The following HTR7 variants were observed in gnomAD, a reference collection of about 807,000 sequenced individuals.
HTR7 encodes the protein 5-HT-7.
A neutral mutation model predicts 34.0 loss-of-function variants in HTR7; 16 were observed. That is an observed-to-expected ratio of 0.47 (90% CI 0.32 to 0.71). HTR7 has a LOEUF of 0.71. Among genes scored for constraint, HTR7 ranks in the 30% least tolerant of loss-of-function variants. HTR7 has a pLI of 0.04. For synonymous variants in HTR7, 265 were observed against 260.2 expected (o/e 1.02, Z -0.18); for missense variants, 504 against 625.5 (o/e 0.81, Z 2.07).
chr10:90,796,289 C>A (rs1564684977), intron 1 of HTR7, among the ~76,000 whole-genome samples: 1 of 152,184 alleles, frequency 6.6e-6, no homozygotes, highest in South Asian at 2.1e-4. Context: ...CTGAATTATT[C>A]TATCAAGGAA....
At chr10:90,813,494 C>G (rs1845850919) in intron 1 of HTR7, among the ~76,000 whole-genome samples, 1 of 151,540 alleles carries the variant, frequency 6.6e-6, no homozygotes, top group Non-Finnish European at 1.5e-5. Flanking sequence ...TGCACCCCAG[C>G]CTGGGTCATG....
chr10:90,748,070 C>T (rs1485900478), intron 2 of HTR7, among the ~76,000 whole-genome samples: 2 of 152,172 alleles, frequency 1.3e-5, no homozygotes, highest in African/African-American at 4.8e-5. Context: ...GTCACTAAGA[C>T]TTCTTAGACC....
At chr10:90,788,552 C>T (rs1845416788) in intron 1 of HTR7, among the ~76,000 whole-genome samples, 1 of 152,056 alleles carries the variant, frequency 6.6e-6, no homozygotes, top group Non-Finnish European at 1.5e-5. Context: ...ATTCCTAATC[C>T]CTACAGCTAC....
intron 1 of HTR7, among the ~76,000 whole-genome samples, chr10:90,805,444 C>A (rs867058497): frequency 4.1e-4 from 63 of 152,168 alleles, no homozygotes; most frequent in Middle Eastern, 3.2e-3. Flanking sequence ...GTCTCTGCAC[C>A]TAAACCGCTA....
At chr10:90,798,695 G>T (rs1394708749) in intron 1 of HTR7, among the ~76,000 whole-genome samples, 1 of 152,192 alleles carries the variant, frequency 6.6e-6, no homozygotes, top group Non-Finnish European at 1.5e-5. Flanking sequence ...CTGGGTGACA[G>T]AGTAAGACTG....
chr10:90,828,251 T>C (rs1846111298), intron 1 of HTR7, among the ~76,000 whole-genome samples: 1 of 151,922 alleles, frequency 6.6e-6, no homozygotes, highest in South Asian at 2.1e-4. Flanking sequence ...AGTGCCTACA[T>C]AAAAAAAGTA....
intron 1 of HTR7, among the ~76,000 whole-genome samples, chr10:90,853,446 T>C (rs1429010025): frequency 6.6e-6 from 1 of 151,244 alleles, no homozygotes; most frequent in African/African-American, 2.4e-5. Context: ...CCACCATGCC[T>C]GGCTTTTTTG....
rs187249434 is a variant in HTR7, at chr10:90,785,868, T to C, written c.540-36274A>G. Among the ~76,000 whole-genome samples the C allele has an allele frequency of 2.0e-3, 305 of 152,360 alleles. 2 individuals carry two copies. The highest frequency in any genetic ancestry group is 6.9e-3 in the African/African-American group (289 of 41,594). The stretch of plus-strand genomic sequence containing the variant: ...CAGCAATCCACAAAGTCTTGTGGCC[T>C]TGACGCCCCTTCTTGGGAGAGCTGG... On this transcript the variant is annotated intron_variant, in intron 1 of 3. Transcript: ENST00000336152.
At chr10:90,793,679 T>C (rs1009257662) in intron 1 of HTR7, among the ~76,000 whole-genome samples, 3 of 152,002 alleles carry the variant, frequency 2.0e-5, no homozygotes, top group Non-Finnish European at 2.9e-5. Flanking sequence ...TTAAGGAGTA[T>C]TGACACACAC....
chr10:90,795,755 G>C (rs1284865800), intron 1 of HTR7, among the ~76,000 whole-genome samples: 1 of 152,136 alleles, frequency 6.6e-6, no homozygotes, highest in Admixed American at 6.6e-5. Flanking sequence ...TATACATTAA[G>C]GAAGACATAA....
At chr10:90,750,973 C>G (rs535748671) in intron 1 of HTR7, among the ~76,000 whole-genome samples, 1 of 152,126 alleles carries the variant, frequency 6.6e-6, no homozygotes, top group African/African-American at 2.4e-5. Context: ...GAAAATCCTG[C>G]GTGCAGGCAA....
chr10:90,806,613 A>G (rs2185708), intron 1 of HTR7, among the ~76,000 whole-genome samples: 41,582 of 151,434 alleles, frequency 0.27, 6,185 homozygotes, highest in African/African-American at 0.4. Context: ...AAAACAAAAT[A>G]AAAAAATTTA....
At chr10:90,786,172 T>A (rs1201138956) in intron 1 of HTR7, among the ~76,000 whole-genome samples, 2 of 152,204 alleles carry the variant, frequency 1.3e-5, no homozygotes, top group Admixed American at 1.3e-4. Context: ...ACACCTGATC[T>A]TTACTCAATA....
At chr10:90,758,907 G>T (rs550787257) in intron 1 of HTR7, among the ~76,000 whole-genome samples, 7 of 152,348 alleles carry the variant, frequency 4.6e-5, no homozygotes, top group Admixed American at 1.3e-4. Context: ...TGAAATAGCG[G>T]CCGGGCGTGG....
intron 1 of HTR7, among the ~76,000 whole-genome samples, chr10:90,803,700 A>G (rs1188139642): frequency 6.6e-6 from 1 of 152,134 alleles, no homozygotes. Context: ...GAGGAGCCCT[A>G]TCCTGCCCTG....
chr10:90,770,512 C>G (rs1845091992), intron 1 of HTR7, among the ~76,000 whole-genome samples: 1 of 152,232 alleles, frequency 6.6e-6, no homozygotes, highest in Non-Finnish European at 1.5e-5. Context: ...CCACCAACCC[C>G]TTGGGTTGTC....
At position 90,749,153 on chromosome 10, in the gene HTR7, G is replaced by A; in HGVS notation, c.981C>T (p.Thr327=). ...SIFKREQKAA[T]TLGIIVGAFT... ...AGGCCCCGACGATGATCCCCAGGGT[G>A]GTGGCTGCTTTCTGTTCTCGCTTAA... is the stretch of plus-strand genomic sequence containing the variant. The change falls in exon 2 of 4, where the codon ACC becomes ACT. Residue 327 remains threonine, a synonymous_variant. Coordinates refer to ENST00000336152, the MANE Select transcript of HTR7 (RefSeq NM_019859.4). The surrounding 1 kb of genome is among the most constrained non-coding windows in gnomAD (Gnocchi z 4.2). The A allele has an allele frequency of 6.2e-7, 1 of 1,614,138 alleles. No individual in the cohort carries two copies. Among genetic ancestry groups the A allele is most frequent in the Non-Finnish European group, 8.5e-7 (1 of 1,180,020 alleles).
At chr10:90,807,284 C>G (rs529876534) in intron 1 of HTR7, among the ~76,000 whole-genome samples, 4 of 152,230 alleles carry the variant, frequency 2.6e-5, no homozygotes, top group African/African-American at 9.6e-5. Flanking sequence ...GTGGATCACA[C>G]CTATTGTCAG....
At chr10:90,814,978 C>T (rs1845875640) in intron 1 of HTR7, among the ~76,000 whole-genome samples, 2 of 152,204 alleles carry the variant, frequency 1.3e-5, no homozygotes. Flanking sequence ...CAACCTCCTG[C>T]TGGGAACCCA....
Sources: allele counts gnomAD v4.1 joint callset (sites outside exome capture counted in the v4.1 genomes callset), GRCh38; gene constraint gnomAD v4.1.1; non-coding constraint Gnocchi (gnomAD v3.1); transcripts MANE v1.5; gene names NCBI Gene and HGNC (gene_info 2026-07-23, HGNC 2026-07-21).